SLC9B1: variants seen among roughly 807,000 people sequenced by gnomAD.
The protein encoded by SLC9B1 is solute carrier family 9 member B1.
Under a neutral mutation model 51.7 loss-of-function variants are expected in SLC9B1, and 32 were observed. The observed-to-expected ratio is 0.62, with a 90% CI of 0.47 to 0.83. SLC9B1 has a LOEUF of 0.83. Ranked by LOEUF, SLC9B1 falls within the 40% of genes least tolerant of loss-of-function variation. The pLI is 0.00. For synonymous variants in SLC9B1, 145 were observed against 212.7 expected (o/e 0.68, Z 2.77); for missense variants, 406 against 613.2 (o/e 0.66, Z 3.57).
chr4:102,997,847 TTTTC>T (rs1005990301), intron 1 of SLC9B1, among the ~76,000 whole-genome samples: 3 of 152,136 alleles, frequency 2.0e-5, no homozygotes, highest in Admixed American at 6.6e-5. Context: ...TTAGAGTTTA[TTTTC>T]TTTAAGTACT....
chr4:102,885,776 A>G (rs1733879244), intron 11 of SLC9B1, among the ~76,000 whole-genome samples: 1 of 152,228 alleles, frequency 6.6e-6, no homozygotes, highest in Admixed American at 6.5e-5. Flanking sequence ...TTGTCACAGT[A>G]TGAGTTTGGT....
chr4:102,945,361 G>A, intron 5 of SLC9B1, 41 bp from the exon 6 acceptor site: 3 of 1,474,180 alleles, frequency 2.0e-6, no homozygotes, highest in Non-Finnish European at 2.7e-6. Flanking sequence ...ATTTACAATG[G>A]CCAACAAGAA....
chr4:102,992,960 C>G (rs963288047), intron 1 of SLC9B1, among the ~76,000 whole-genome samples: 1 of 152,120 alleles, frequency 6.6e-6, no homozygotes, highest in Admixed American at 6.5e-5. Context: ...CTTATAAAAC[C>G]ATTAGATCTT....
intron 3 of SLC9B1, among the ~76,000 whole-genome samples, chr4:102,988,220 G>A (rs1159923559): frequency 1.3e-5 from 2 of 152,038 alleles, no homozygotes; most frequent in Admixed American, 6.6e-5. Flanking sequence ...GAAACAAAAA[G>A]GAATAATATC....
At chr4:103,009,527 A>G (rs1049867911) in intron 1 of SLC9B1, among the ~76,000 whole-genome samples, 3 of 152,238 alleles carry the variant, frequency 2.0e-5, no homozygotes, top group Non-Finnish European at 4.4e-5. Context: ...ATCATAATGT[A>G]TATGGAATTC....
chr4:102,893,300 A>AG (rs1553971025), intron 11 of SLC9B1, among the ~76,000 whole-genome samples: 23 of 147,864 alleles, frequency 1.6e-4, no homozygotes, highest in Admixed American at 2.7e-4. Flanking sequence ...AAAAAAAAAA[A>AG]AAAAAGAAAA....
intron 11 of SLC9B1, among the ~76,000 whole-genome samples, chr4:102,886,816 T>A (rs1733948454): frequency 6.6e-6 from 1 of 152,132 alleles, no homozygotes; most frequent in South Asian, 2.1e-4. Context: ...CGTTTTACCA[T>A]GTTGGCCAGA....
intron 1 of SLC9B1, among the ~76,000 whole-genome samples, chr4:103,009,386 G>C (rs976729136): frequency 4.6e-5 from 7 of 152,150 alleles, no homozygotes; most frequent in South Asian, 2.1e-4. Flanking sequence ...AAATGTGGAT[G>C]ATTTACTTTG....
At chr4:103,015,887 G>A (rs1741291269) in intron 1 of SLC9B1, among the ~76,000 whole-genome samples, 1 of 151,810 alleles carries the variant, frequency 6.6e-6, no homozygotes. Context: ...TCCCAGCACT[G>A]TGGGAGGCCG....
At chr4:102,972,401 A>G (rs1388280934) in intron 3 of SLC9B1, among the ~76,000 whole-genome samples, 2 of 152,104 alleles carry the variant, frequency 1.3e-5, no homozygotes, top group African/African-American at 4.8e-5. Context: ...GTGTGCCACC[A>G]TGCCCAGCTA....
intron 3 of SLC9B1, among the ~76,000 whole-genome samples, chr4:102,958,364 A>G (rs1462664978): frequency 1.3e-5 from 2 of 152,210 alleles, no homozygotes; most frequent in East Asian, 3.8e-4. Context: ...CCTTCCCAGA[A>G]GCAGATGCCT....
At chr4:102,959,223 TAC>T (rs1737957634) in intron 3 of SLC9B1, among the ~76,000 whole-genome samples, 1 of 116,274 alleles carries the variant, frequency 8.6e-6, no homozygotes, top group Admixed American at 8.9e-5. Context: ...TTAGGAGACA[TAC>T]ATATATATAT....
At chr4:103,011,975 T>G (rs972095614) in intron 1 of SLC9B1, among the ~76,000 whole-genome samples, 5 of 152,222 alleles carry the variant, frequency 3.3e-5, no homozygotes, top group Admixed American at 2.6e-4. Context: ...CTTCCTTCCA[T>G]CCATACTAAT....
chr4:102,915,918 G>GA (rs1347171444), intron 7 of SLC9B1, among the ~76,000 whole-genome samples: 2 of 151,754 alleles, frequency 1.3e-5, no homozygotes, highest in East Asian at 3.9e-4. Context: ...TAACCACAAA[G>GA]AAAAGACCTA....
intron 3 of SLC9B1, among the ~76,000 whole-genome samples, chr4:102,974,228 C>G: frequency 1.1e-5 from 1 of 87,032 alleles, no homozygotes; most frequent in Non-Finnish European, 2.0e-5. Flanking sequence ...CAGAGCAAGA[C>G]TCTGTCTAAA....
chr4:102,978,445 C>T (rs951309409), intron 3 of SLC9B1, among the ~76,000 whole-genome samples: 3 of 152,098 alleles, frequency 2.0e-5, no homozygotes, highest in African/African-American at 7.2e-5. Flanking sequence ...CCAGAATCTA[C>T]AATGAACTCA....
intron 3 of SLC9B1, among the ~76,000 whole-genome samples, chr4:102,979,712 T>C (rs1276538908): frequency 2.0e-5 from 3 of 152,314 alleles, no homozygotes; most frequent in East Asian, 1.9e-4. Context: ...GATATTATTG[T>C]ATTTTTAATA....
intron 11 of SLC9B1, chr4:102,890,900 G>A (rs1439609103): frequency 3.5e-5 from 5 of 143,302 alleles, no homozygotes; most frequent in Admixed American, 2.8e-4. Context: ...GCAGAAATCA[G>A]TACGAAGTTC....
At chr4:102,893,852 G>A (rs1440274048) in intron 11 of SLC9B1, among the ~76,000 whole-genome samples, 4 of 152,026 alleles carry the variant, frequency 2.6e-5, no homozygotes, top group Non-Finnish European at 4.4e-5. Flanking sequence ...CCGAGATCAC[G>A]CCACTGCACT....
Sources: gnomAD v4.1 joint callset for allele counts (sites outside exome capture counted in the v4.1 genomes callset) on GRCh38, gnomAD v4.1.1 for gene constraint, MANE v1.5 for transcripts, NCBI Gene and HGNC (gene_info 2026-07-23, HGNC 2026-07-21) for gene names.